Variants in ADAMTSL3 observed in about 807,000 individuals in gnomAD.
ADAMTSL3 encodes the protein ADAMTS-like protein 3.
In ADAMTSL3, 128 loss-of-function variants were observed where a neutral mutation model predicts 201.7. The observed-to-expected ratio is 0.63, with a 90% CI of 0.55 to 0.73. The LOEUF is 0.73. ADAMTSL3 is among the 30% of genes least tolerant of loss of function. ADAMTSL3 has a pLI of 0.00. For missense variants in ADAMTSL3, 1,990 were observed against 2,119.6 expected (o/e 0.94, Z 1.20); for synonymous variants, 738 against 748.4 (o/e 0.99, Z 0.23).
intron 8 of ADAMTSL3, among the ~76,000 whole-genome samples, chr15:83,866,052 T>C (rs566798814): frequency 3.3e-5 from 5 of 152,184 alleles, no homozygotes; most frequent in African/African-American, 9.6e-5. Flanking sequence ...ATCAAAACCA[T>C]GATGAGATAC....
intron 19 of ADAMTSL3, among the ~76,000 whole-genome samples, chr15:83,959,056 A>G (rs892569905): frequency 3.3e-5 from 5 of 152,204 alleles, no homozygotes; most frequent in African/African-American, 1.2e-4. Flanking sequence ...TAACAGAACA[A>G]AACTTAATGG....
chr15:83,953,125 A>G (rs754001282), intron 19 of ADAMTSL3, among the ~76,000 whole-genome samples: 27 of 152,166 alleles, frequency 1.8e-4, no homozygotes, highest in African/African-American at 6.5e-4. Flanking sequence ...GTCCATTTAC[A>G]TTAAGTGTTA....
At chr15:83,810,746 A>G (rs1396998771) in intron 5 of ADAMTSL3, among the ~76,000 whole-genome samples, 1 of 151,210 alleles carries the variant, frequency 6.6e-6, no homozygotes, top group African/African-American at 2.4e-5. Context: ...TTTTTCTTTT[A>G]TTTTTCTTTT....
chr15:83,898,828 T>A (rs1188737985), intron 14 of ADAMTSL3, among the ~76,000 whole-genome samples: 1 of 152,228 alleles, frequency 6.6e-6, no homozygotes, highest in Non-Finnish European at 1.5e-5. Context: ...TTGTTATTTC[T>A]GGGTTCATTA....
chr15:83,875,040 A>C (rs1239528789), intron 9 of ADAMTSL3, among the ~76,000 whole-genome samples: 2 of 150,146 alleles, frequency 1.3e-5, no homozygotes, highest in Non-Finnish European at 3.0e-5. Context: ...CACTGTGTTC[A>C]TCTGGGTCCT....
At chr15:83,743,143 C>T (rs8034055) in intron 3 of ADAMTSL3, among the ~76,000 whole-genome samples, 127,411 of 152,162 alleles carry the variant, frequency 0.84, 53,849 homozygotes, top group East Asian at 0.96. Context: ...ACCTCATCAT[C>T]CCATTTTTAT....
At chr15:83,755,798 G>T (rs901477037) in intron 3 of ADAMTSL3, among the ~76,000 whole-genome samples, 20 of 151,392 alleles carry the variant, frequency 1.3e-4, no homozygotes, top group African/African-American at 4.9e-4. Context: ...CTGTCGCCCA[G>T]GCTGGAGTGC....
In ADAMTSL3 at chr15:83,773,688, T is replaced by G. The variant is rs189606595; in HGVS notation, c.317+38T>G. 7.3e-4 allele frequency: 1,158 copies of G among 1,591,768 alleles called. 8 individuals are homozygous for G. In the African/African-American group the frequency reaches 0.013, roughly 17 times the overall value. ...TTCACTTGCTCCTGCATGTGGAATGTGCCAGTGCCTCTGGATGGGTGGAGA... is the reference window on the plus strand; with the variant it reads ...TTCACTTGCTCCTGCATGTGGAATGGGCCAGTGCCTCTGGATGGGTGGAGA... On this transcript the variant is annotated intron_variant, in intron 4 of 29. Coordinates refer to ENST00000286744, the MANE Select transcript of ADAMTSL3 (RefSeq NM_207517.3).
intron 6 of ADAMTSL3, among the ~76,000 whole-genome samples, chr15:83,829,740 A>T (rs552199360): frequency 9.9e-5 from 15 of 151,452 alleles, no homozygotes; most frequent in South Asian, 8.3e-4. Flanking sequence ...TTGTTCTCAT[A>T]GGTTTCAAAG....
rs756253295 is a variant in ADAMTSL3, at chr15:83,655,839, A to T, written c.69+9A>T. On this transcript the variant is annotated intron_variant, in intron 2 of 29. Coordinates refer to ENST00000286744, the MANE Select transcript of ADAMTSL3 (RefSeq NM_207517.3). The stretch of plus-strand genomic sequence containing the variant: ...ACTCTCCCCTCCCGCAGGTAAGGTC[A>T]TATAGGGAGGGGAAGGGAAATGGTG... 1.2e-6 allele frequency: 2 copies of T among 1,613,306 alleles called. No homozygotes were observed. Among genetic ancestry groups the T allele is most frequent in the Admixed American group, 3.3e-5 (2 of 59,994 alleles).
intron 7 of ADAMTSL3, among the ~76,000 whole-genome samples, chr15:83,851,168 T>C (rs1218131494): frequency 1.3e-5 from 2 of 152,236 alleles, no homozygotes; most frequent in Non-Finnish European, 2.9e-5. Flanking sequence ...CACAGAGACT[T>C]CTACAAATGT....
chr15:83,819,281 A>C (rs113816378), intron 5 of ADAMTSL3, among the ~76,000 whole-genome samples: 14,174 of 150,498 alleles, frequency 0.094, 842 homozygotes, highest in East Asian at 0.29. Flanking sequence ...AAAAAAAAAA[A>C]ACAATGACAA....
chr15:83,949,214 A>C (rs965231625), intron 19 of ADAMTSL3, among the ~76,000 whole-genome samples: 1 of 152,052 alleles, frequency 6.6e-6, no homozygotes, highest in African/African-American at 2.4e-5. Flanking sequence ...CCATGAGTTC[A>C]ATTATTTTAA....
intron 19 of ADAMTSL3, among the ~76,000 whole-genome samples, chr15:83,970,275 A>G (rs1167312411): frequency 6.6e-6 from 1 of 151,792 alleles, no homozygotes; most frequent in African/African-American, 2.4e-5. Context: ...AGAAAGAAAG[A>G]AAGGAAGAGA....
chr15:83,900,790 GA>G (rs548164743), intron 15 of ADAMTSL3, among the ~76,000 whole-genome samples: 8 of 151,304 alleles, frequency 5.3e-5, no homozygotes, highest in South Asian at 4.2e-4. Context: ...CTCTGAAGCA[GA>G]AAAAAAAATA....
In ADAMTSL3 at chr15:83,982,516, A is replaced by T. The variant is rs754799718; in HGVS notation, c.2888A>T (p.Lys963Met). 6.2e-6 allele frequency: 10 copies of T among 1,614,226 alleles called. No homozygotes were observed. The highest frequency in any genetic ancestry group is 7.6e-6 in the Non-Finnish European group (9 of 1,180,044). The change falls in exon 21 of 30, where the codon AAG (lysine) becomes ATG (methionine). Residue 963 changes from lysine (K) to methionine (M), a missense_variant. Physicochemically the swap from Lys to Met is moderately conservative, Grantham distance 95 (BLOSUM62 -1). Transcript: ENST00000286744. The part of the protein sequence containing the change: ...LQNSKRLGIT[K>M]SGSLKIHGLA... ...AACTCCAAACGGCTTGGCATCACCA[A>T]GTCAGGCTCACTAAAAATCCATGGT...
chr15:83,714,867 TCCCTCCCTCCC>T (rs2061989441), intron 3 of ADAMTSL3, among the ~76,000 whole-genome samples: 1 of 13,012 alleles, frequency 7.7e-5, no homozygotes, highest in South Asian at 8.8e-3. Flanking sequence ...CCTCCCTCCC[TCCCTCCCTCCC>T]TTCCTTCCTT....
At chr15:83,945,242 C>T (rs531233433) in intron 19 of ADAMTSL3, among the ~76,000 whole-genome samples, 1 of 152,166 alleles carries the variant, frequency 6.6e-6, no homozygotes, top group South Asian at 2.1e-4. Flanking sequence ...CAGCTCTCCC[C>T]GGAAAGTTGC....
At chr15:83,875,956 A>G (rs570579968) in intron 9 of ADAMTSL3, among the ~76,000 whole-genome samples, 95 of 152,240 alleles carry the variant, frequency 6.2e-4, no homozygotes, top group African/African-American at 2.2e-3. Context: ...TCTTTCTGTA[A>G]CACATCTGGC....
Sources: gnomAD v4.1 joint callset for allele counts (sites outside exome capture counted in the v4.1 genomes callset) on GRCh38, gnomAD v4.1.1 for gene constraint, MANE v1.5 for transcripts, NCBI Gene and HGNC (gene_info 2026-07-23, HGNC 2026-07-21) for gene names.